Variants in STK33 observed in about 807,000 individuals in gnomAD.
The protein encoded by STK33 is serine/threonine-protein kinase 33.
A neutral mutation model predicts 58.0 loss-of-function variants in STK33; 52 were observed. That is an observed-to-expected ratio of 0.90 (90% confidence interval 0.72 to 1.13). The LOEUF is 1.13. Among genes scored for constraint, STK33 ranks in the 50% most tolerant of loss-of-function variants. The pLI is 0.00. For missense variants in STK33, 630 were observed against 604.2 expected (o/e 1.04, Z -0.45); for synonymous variants, 215 against 200.1 (o/e 1.07, Z -0.63).
the STK33 span, among the ~76,000 whole-genome samples, chr11:8,365,315 G>A: frequency 6.6e-6 from 1 of 152,038 alleles, no homozygotes; most frequent in African/African-American, 2.4e-5. Flanking sequence ...CTCATGAGGG[G>A]GCTAGGAAGC....
chr11:8,523,858 G>T (rs1281045187), intron 1 of STK33, among the ~76,000 whole-genome samples: 1 of 152,238 alleles, frequency 6.6e-6, no homozygotes, highest in Non-Finnish European at 1.5e-5. Flanking sequence ...GATGACGATG[G>T]CGGTTTTGTC....
chr11:8,574,836 C>A (rs1361311737), intron 1 of STK33, among the ~76,000 whole-genome samples: 4 of 151,218 alleles, frequency 2.6e-5, no homozygotes, highest in African/African-American at 9.7e-5. Flanking sequence ...GCCAGGAGTT[C>A]AAGACCAGCC....
intron 1 of STK33, among the ~76,000 whole-genome samples, chr11:8,588,232 C>T (rs2032034355): frequency 6.6e-6 from 1 of 152,182 alleles, no homozygotes; most frequent in Non-Finnish European, 1.5e-5. Context: ...TGAGGGGACA[C>T]AAACATTCAA....
chr11:8,455,652 C>A (rs1591211054), intron 9 of STK33, among the ~76,000 whole-genome samples: 2 of 149,602 alleles, frequency 1.3e-5, no homozygotes, highest in African/African-American at 2.5e-5. Flanking sequence ...ACTAAAAATA[C>A]AAAAAAAAAT....
chr11:8,366,993 TTTG>T, the STK33 span, among the ~76,000 whole-genome samples: 8 of 152,242 alleles, frequency 5.3e-5, no homozygotes, highest in African/African-American at 1.7e-4. Context: ...TGCAAGTGTA[TTTG>T]TTATTCTTGT....
chr11:8,451,700 G>A (rs10840049), intron 11 of STK33, among the ~76,000 whole-genome samples: 12,305 of 152,144 alleles, frequency 0.081, 1,108 homozygotes, highest in African/African-American at 0.23. Flanking sequence ...CTCTGTGGAT[G>A]TATGAAAAAT....
At chr11:8,470,792 C>T (rs1948706159) in intron 6 of STK33, among the ~76,000 whole-genome samples, 1 of 152,158 alleles carries the variant, frequency 6.6e-6, no homozygotes, top group South Asian at 2.1e-4. Flanking sequence ...AGAATGCACA[C>T]AACACTTATT....
intron 11 of STK33, among the ~76,000 whole-genome samples, chr11:8,440,976 C>G (rs115200971): frequency 0.013 from 2,040 of 152,284 alleles, 46 homozygotes; most frequent in African/African-American, 0.047. Flanking sequence ...ATGGTGTAAA[C>G]TGTATAACTA....
At chr11:8,381,264 A>C in the STK33 span, among the ~76,000 whole-genome samples, 1 of 152,154 alleles carries the variant, frequency 6.6e-6, no homozygotes, top group Non-Finnish European at 1.5e-5. Context: ...TATTAAAATA[A>C]AAAAAATTAA....
Position 8,429,700 on chromosome 11 carries a change from T to TCCAC in STK33, c.1146+5790_1146+5793dup, listed in dbSNP as rs1279042674. Among the ~76,000 whole-genome samples, 4 of 152,070 alleles carry TCCAC rather than the reference T, an allele frequency of 2.6e-5. No individual in the cohort carries two copies. In the East Asian group the frequency reaches 7.7e-4, roughly 29 times the overall value. On this transcript the variant is annotated intron_variant, in intron 14 of 15. Coordinates refer to ENST00000687296, the MANE Select transcript of STK33 (RefSeq NM_001352389.2). ...TCCGTCTGTCCTGGCAAACAATGCA[T>TCCAC]CCACCAACTCACTAACTGATAGAGT... is the stretch of plus-strand genomic sequence containing the variant.
intron 15 of STK33, among the ~76,000 whole-genome samples, chr11:8,401,241 A>G (rs1444961819): frequency 6.6e-6 from 1 of 152,202 alleles, no homozygotes; most frequent in African/African-American, 2.4e-5. Flanking sequence ...ACAGTAACCA[A>G]AACAGCATGG....
At chr11:8,431,580 A>G (rs1166756774) in intron 14 of STK33, among the ~76,000 whole-genome samples, 1 of 152,190 alleles carries the variant, frequency 6.6e-6, no homozygotes, top group African/African-American at 2.4e-5. Flanking sequence ...GAACCGTTTT[A>G]TTCATCTTTG....
At chr11:8,390,536 C>G (rs1353354748), downstream of STK33, among the ~76,000 whole-genome samples, 1 of 152,134 alleles carries the variant, frequency 6.6e-6, no homozygotes, top group Non-Finnish European at 1.5e-5. Flanking sequence ...CAAGTGTGTT[C>G]TACACAACGA....
At chr11:8,387,344 A>G (rs1848557931), downstream of STK33, among the ~76,000 whole-genome samples, 1 of 152,208 alleles carries the variant, frequency 6.6e-6, no homozygotes, top group Non-Finnish European at 1.5e-5. Context: ...ATAGTACAAC[A>G]GTGATACTTG....
At chr11:8,570,142 G>A (rs1286610484) in intron 1 of STK33, among the ~76,000 whole-genome samples, 1 of 152,056 alleles carries the variant, frequency 6.6e-6, no homozygotes, top group African/African-American at 2.4e-5. Context: ...ATATATGAGT[G>A]TTCAATTAAT....
chr11:8,571,395 C>T (rs1237408791), intron 1 of STK33, among the ~76,000 whole-genome samples: 1 of 152,052 alleles, frequency 6.6e-6, no homozygotes, highest in Non-Finnish European at 1.5e-5. Context: ...TTCAAGTTTA[C>T]TAGGGATAGG....
chr11:8,488,515 A>C (rs967720421), intron 1 of STK33, among the ~76,000 whole-genome samples: 2 of 152,144 alleles, frequency 1.3e-5, no homozygotes, highest in Admixed American at 1.3e-4. Flanking sequence ...TTAGTGTTGC[A>C]AGTGTAGCCC....
intron 6 of STK33, among the ~76,000 whole-genome samples, chr11:8,472,569 T>C (rs1364587957): frequency 6.6e-6 from 1 of 152,204 alleles, no homozygotes; most frequent in Non-Finnish European, 1.5e-5. Flanking sequence ...TGGGTGCAAT[T>C]TGTGGTGCCC....
chr11:8,534,316 A>G lies in STK33; in HGVS notation c.-465-53702T>C, dbSNP rs185873945. ...TGTTTATACGTGCATTTTTCTGAGGAAAGATTCCAGTACATTCATCAGAGT... is the reference window on the plus strand; with the variant it reads ...TGTTTATACGTGCATTTTTCTGAGGGAAGATTCCAGTACATTCATCAGAGT... On this transcript the variant is annotated intron_variant, in intron 1 of 15. Transcript: ENST00000687296. 4.3e-4 allele frequency among the ~76,000 whole-genome samples: 65 copies of G among 152,120 alleles called. No individual in the cohort carries two copies. In the East Asian group the frequency reaches 0.012, roughly 28 times the overall value.
Sources: allele counts gnomAD v4.1 joint callset (sites outside exome capture counted in the v4.1 genomes callset), GRCh38; gene constraint gnomAD v4.1.1; transcripts MANE v1.5; gene names NCBI Gene and HGNC (gene_info 2026-07-23, HGNC 2026-07-21).